Variants in NR4A1 observed in about 807,000 individuals in gnomAD.
NR4A1 encodes nuclear receptor subfamily 4 group A member 1, also known as nuclear receptor subfamily 4immunitygroup A member 1.
Under a neutral mutation model 47.5 loss-of-function variants are expected in NR4A1, and 24 were observed. That is an observed-to-expected ratio of 0.50 (90% CI 0.37 to 0.71). NR4A1 has a LOEUF of 0.71. Among genes scored for constraint, NR4A1 ranks in the 30% least tolerant of loss-of-function variants. The pLI is 0.00. For synonymous variants in NR4A1, 353 were observed against 345.7 expected (o/e 1.02, Z -0.24); for missense variants, 669 against 788.6 (o/e 0.85, Z 1.82).
intron 2 of NR4A1, chr12:52,042,018 TGGTTAGGGGGATGGAGG>T (rs1334292289): frequency 2.8e-5 from 30 of 1,073,274 alleles, no homozygotes; most frequent in Non-Finnish European, 5.8e-6. Flanking sequence ...AAAGCGGATG[TGGTTAGGGGGATGGAGG>T]GGAAGCCCTG....
intron 1 of NR4A1, among the ~76,000 whole-genome samples, chr12:52,025,146 G>A (rs888600752): frequency 5.6e-4 from 82 of 146,172 alleles, no homozygotes; most frequent in African/African-American, 2.0e-3. Flanking sequence ...TGCACCCTCC[G>A]TCCCCCGGGT....
At chr12:52,049,794 C>T (rs1161070352), upstream of NR4A1, among the ~76,000 whole-genome samples, 4 of 152,046 alleles carry the variant, frequency 2.6e-5, no homozygotes, top group African/African-American at 9.7e-5. Context: ...GCAGGGGGTG[C>T]AGAAATGACA....
At chr12:52,028,890 G>A (rs374571878) in intron 1 of NR4A1, among the ~76,000 whole-genome samples, 3 of 152,148 alleles carry the variant, frequency 2.0e-5, no homozygotes, top group East Asian at 3.8e-4. Flanking sequence ...GTGACAAAGC[G>A]AGACTCCATT....
At chr12:52,052,140 G>A (rs1020211724) in intron 1 of NR4A1, among the ~76,000 whole-genome samples, 9 of 152,108 alleles carry the variant, frequency 5.9e-5, no homozygotes, top group African/African-American at 2.2e-4. Flanking sequence ...ATCATTGAAG[G>A]AAGTGACTGG....
chr12:52,058,111 A>G (rs1939368890), intron 6 of NR4A1, among the ~76,000 whole-genome samples: 1 of 152,218 alleles, frequency 6.6e-6, no homozygotes, highest in African/African-American at 2.4e-5. Context: ...GGTGTGAGCC[A>G]CCACGCCTAG....
intron 1 of NR4A1, among the ~76,000 whole-genome samples, chr12:52,032,578 C>T (rs540031438): frequency 1.3e-5 from 2 of 152,358 alleles, no homozygotes; most frequent in South Asian, 4.1e-4. Context: ...ATTCATCTCT[C>T]CTACTTGGCT....
At chr12:52,048,458 G>A (rs528063010), upstream of NR4A1, among the ~76,000 whole-genome samples, 1 of 152,050 alleles carries the variant, frequency 6.6e-6, no homozygotes, top group South Asian at 2.1e-4. Flanking sequence ...AGCTGGCGTG[G>A]TGGCAGGCAC....
chr12:52,042,937 C>T (rs867866493), intron 2 of NR4A1, among the ~76,000 whole-genome samples: 5 of 152,192 alleles, frequency 3.3e-5, no homozygotes, highest in East Asian at 3.9e-4. Context: ...GGATGAAGCA[C>T]GCACTGGCTC....
chr12:52,058,198 A>T (rs574623550), intron 6 of NR4A1, among the ~76,000 whole-genome samples: 1 of 152,316 alleles, frequency 6.6e-6, no homozygotes, highest in South Asian at 2.1e-4. Context: ...GTAGTTCTGC[A>T]GGATGGAATC....
intron 1 of NR4A1, among the ~76,000 whole-genome samples, chr12:52,052,798 C>T (rs1939054679): frequency 6.6e-6 from 1 of 152,220 alleles, no homozygotes; most frequent in Non-Finnish European, 1.5e-5. Flanking sequence ...TTTCCTCCTT[C>T]ACCCCCAGCC....
chr12:52,040,162 G>A lies in NR4A1; in HGVS notation c.-83-1648G>A, dbSNP rs891465123. 9.2e-5 allele frequency among the ~76,000 whole-genome samples: 14 copies of A among 152,110 alleles called. 1 individual carries two copies. The highest frequency in any genetic ancestry group is 7.9e-4 in the Admixed American group (12 of 15,268). ...CTCATTCTTGCCTCTCCTGTTGTTCGGGGCACACTGCCTGGCTCCCGGGGG... is the reference window on the plus strand; with the variant it reads ...CTCATTCTTGCCTCTCCTGTTGTTCAGGGCACACTGCCTGGCTCCCGGGGG... On this transcript the variant is annotated intron_variant, in intron 1 of 7. Coordinates refer to the NR4A1 transcript ENST00000360284.
intron 1 of NR4A1, among the ~76,000 whole-genome samples, chr12:52,025,149 C>T (rs762149874): frequency 1.3e-4 from 19 of 151,834 alleles, no homozygotes; most frequent in African/African-American, 3.6e-4. Context: ...ACCCTCCGTC[C>T]CCCGGGTTCA....
chr12:52,052,883 G>C (rs1015678692), intron 1 of NR4A1, among the ~76,000 whole-genome samples: 2 of 152,224 alleles, frequency 1.3e-5, no homozygotes, highest in Non-Finnish European at 2.9e-5. Flanking sequence ...CATGCCTGTG[G>C]ACTGGTGCCA....
In NR4A1 at chr12:52,058,719, G is replaced by T. The variant is rs1229851003; in HGVS notation, c.1572G>T (p.Val524=). 1.2e-6 allele frequency: 2 copies of T among 1,608,628 alleles called. No individual in the cohort carries two copies. Among genetic ancestry groups the T allele is most frequent in the Admixed American group, 3.3e-5 (2 of 59,844 alleles). ...DRHGLQEPRR[V]EELQNRIASC... ...ATGGGCTGCAGGAGCCGCGGCGGGTGGAGGAGCTGCAGAACCGCATCGCCA... is the reference window on the plus strand; with the variant it reads ...ATGGGCTGCAGGAGCCGCGGCGGGTTGAGGAGCTGCAGAACCGCATCGCCA... Residue 524 remains valine (V), a synonymous_variant, in exon 7 of 7, where the codon GTG becomes GTT. Transcript: ENST00000394825.
chr12:52,037,656 G>A (rs1439640512), intron 1 of NR4A1: 2 of 985,496 alleles, frequency 2.0e-6, no homozygotes, highest in Admixed American at 6.1e-5. Flanking sequence ...AGTCCGCCAA[G>A]GGTGGGGTTT....
At chr12:52,038,430 T>G in intron 1 of NR4A1, 1 of 335,796 alleles carries the variant, frequency 3.0e-6, no homozygotes, top group Non-Finnish European at 5.6e-6. Context: ...GCTGCAGAGG[T>G]GGTTTATTTA....
chr12:52,043,767 G>C, intron 2 of NR4A1: 1 of 1,285,544 alleles, frequency 7.8e-7, no homozygotes, highest in South Asian at 1.2e-5. Context: ...CGGCTGTGAG[G>C]ATAGGCTGGC....
intron 1 of NR4A1, among the ~76,000 whole-genome samples, chr12:52,039,288 A>G (rs1159579434): frequency 6.6e-6 from 1 of 152,238 alleles, no homozygotes; most frequent in African/African-American, 2.4e-5. Flanking sequence ...ATATTGGCCA[A>G]TGCAGAGCTT....
Position 52,056,017 on chromosome 12 carries a change from C to A in NR4A1, c.877-13C>A. 1.7e-6 allele frequency: 2 copies of A among 1,150,018 alleles called. No individual in the cohort carries two copies. Among genetic ancestry groups the A allele is most frequent in the South Asian group, 1.8e-5 (1 of 56,996 alleles). The allele number at this position is 1,150,018 out of a possible 1,614,324, so 71.2% of individuals were successfully genotyped here. ...CACTCTGACAGCTTGTTCCGTGTTG[C>A]CCCCCCACCCAGCGCACAGTGCAGA... On this transcript the variant is annotated splice_polypyrimidine_tract_variant and intron_variant, in intron 2 of 6. Coordinates refer to ENST00000394825, the MANE Select transcript of NR4A1 (RefSeq NM_173157.3).
Sources: gnomAD v4.1 joint callset for allele counts (sites outside exome capture counted in the v4.1 genomes callset) on GRCh38, gnomAD v4.1.1 for gene constraint, MANE v1.5 for transcripts, NCBI Gene and HGNC (gene_info 2026-07-23, HGNC 2026-07-21) for gene names.